Variants in DACH2 observed in about 807,000 individuals in gnomAD.
The protein encoded by DACH2 is dachshund homolog 2.
DACH2 carries 17 observed loss-of-function variants against 35.8 expected under a neutral mutation model. The ratio of observed to expected loss-of-function variants is 0.48; its 90% confidence interval spans 0.33 to 0.71. The LOEUF (loss-of-function observed/expected upper bound fraction) is 0.71, where lower values mean the gene tolerates loss of function less well. Ranked by LOEUF, DACH2 falls within the 30% of genes least tolerant of loss-of-function variation. DACH2 has a pLI of 0.02. For missense variants in DACH2, 469 were observed against 472.7 expected (o/e 0.99, Z 0.07); for synonymous variants, 195 against 177.3 (o/e 1.10, Z -0.79).
chrX:86,830,098 T>G (rs1352792376), intron 11 of DACH2: 1 of 111,961 alleles, frequency 8.9e-6, no homozygotes, highest in Admixed American at 9.5e-5. Flanking sequence ...CCTCTCTGTT[T>G]ATGGTTCCAG....
intron 1 of DACH2, among the ~76,000 whole-genome samples, chrX:86,292,634 C>A (rs1348667315): frequency 2.7e-5 from 3 of 110,399 alleles, no homozygotes; most frequent in Non-Finnish European, 5.7e-5. Context: ...TGTCTTTGTT[C>A]TCATTGGTTT....
intron 4 of DACH2, among the ~76,000 whole-genome samples, chrX:86,685,453 T>C (rs1162413271): frequency 8.9e-6 from 1 of 111,957 alleles, no homozygotes; most frequent in Non-Finnish European, 1.9e-5. Context: ...TCTATCTTTG[T>C]AGGTCAGCTT....
chrX:86,686,464 C>T (rs947198320), intron 4 of DACH2, among the ~76,000 whole-genome samples: 7 of 110,278 alleles, frequency 6.3e-5, no homozygotes, highest in Non-Finnish European at 1.1e-4. Flanking sequence ...ATCTCCTGAC[C>T]TCGTGACCCA....
At chrX:86,282,602 A>G (rs1354510135) in intron 1 of DACH2, among the ~76,000 whole-genome samples, 1 of 111,436 alleles carries the variant, frequency 9.0e-6, no homozygotes, top group Non-Finnish European at 1.9e-5. Context: ...TGATTAAAAC[A>G]CCAAAAGCCC....
intron 2 of DACH2, among the ~76,000 whole-genome samples, chrX:86,400,601 A>G (rs1456667166): frequency 8.9e-6 from 1 of 112,044 alleles, no homozygotes; most frequent in South Asian, 3.7e-4. Context: ...TCTAACAGTC[A>G]GGACCCTCAG....
At chrX:86,411,499 G>T (rs1005089424) in intron 2 of DACH2, among the ~76,000 whole-genome samples, 16 of 110,373 alleles carry the variant, frequency 1.4e-4, no homozygotes, top group African/African-American at 4.3e-4. Context: ...TTCAAATGAA[G>T]ACAATAATGA....
At chrX:86,785,725 T>A (rs774699282) in intron 7 of DACH2, among the ~76,000 whole-genome samples, 23 of 111,585 alleles carry the variant, frequency 2.1e-4, no homozygotes, top group Non-Finnish European at 4.3e-4. Flanking sequence ...AGGAGCATAA[T>A]TCATCAAGTC....
chrX:86,169,939 G>A (rs2031067811), intron 1 of DACH2, among the ~76,000 whole-genome samples: 1 of 110,537 alleles, frequency 9.0e-6, no homozygotes, highest in African/African-American at 3.3e-5. Context: ...GAAGAGTTAG[G>A]TATTTGTTGT....
At chrX:86,338,590 C>G (rs760052011) in intron 1 of DACH2, among the ~76,000 whole-genome samples, 9 of 111,907 alleles carry the variant, frequency 8.0e-5, no homozygotes, top group Non-Finnish European at 1.3e-4. Context: ...AAATTTATAG[C>G]ATTAAATGCC....
intron 2 of DACH2, among the ~76,000 whole-genome samples, chrX:86,422,503 A>T (rs557758429): frequency 2.7e-5 from 3 of 110,468 alleles, no homozygotes; most frequent in African/African-American, 9.8e-5. Flanking sequence ...GAGTCTTAGT[A>T]TGAATGGTTT....
intron 5 of DACH2, among the ~76,000 whole-genome samples, chrX:86,711,054 G>A (rs968841177): frequency 1.8e-5 from 2 of 112,114 alleles, no homozygotes; most frequent in African/African-American, 6.5e-5. Flanking sequence ...AATTATAGGA[G>A]TTGCTGAAAT....
chrX:86,244,608 C>T (rs2033239550), intron 1 of DACH2, among the ~76,000 whole-genome samples: 2 of 111,351 alleles, frequency 1.8e-5, no homozygotes, highest in Admixed American at 1.9e-4. Flanking sequence ...AGTGAGACGC[C>T]ATCTCTAAAA....
chrX:86,592,961 A>G (rs910344326), intron 3 of DACH2, among the ~76,000 whole-genome samples: 2 of 111,858 alleles, frequency 1.8e-5, no homozygotes, highest in Non-Finnish European at 3.8e-5. Context: ...CTACAAACAA[A>G]GCCAGTTTTA....
At chrX:86,306,175 C>T (rs1448101924) in intron 1 of DACH2, among the ~76,000 whole-genome samples, 1 of 111,591 alleles carries the variant, frequency 9.0e-6, no homozygotes, top group Admixed American at 9.6e-5. Flanking sequence ...TTTATATTAG[C>T]CAAGATATGA....
chrX:86,473,343 G>A (rs1305847455), intron 2 of DACH2, among the ~76,000 whole-genome samples: 1 of 111,122 alleles, frequency 9.0e-6, no homozygotes, highest in African/African-American at 3.3e-5. Flanking sequence ...ATCCCCTCAA[G>A]CATTTATCCT....
chrX:86,387,552 A>G (rs1317468237), intron 2 of DACH2, among the ~76,000 whole-genome samples: 2 of 111,796 alleles, frequency 1.8e-5, no homozygotes, highest in African/African-American at 3.2e-5. Context: ...TTTTTAATCC[A>G]TAAAATGAAC....
Position 86,613,982 on chromosome X carries a change from T to A in DACH2, c.641-37054T>A, listed in dbSNP as rs191194906. On this transcript the variant is annotated intron_variant, in intron 3 of 11. Transcript: ENST00000373125. ...TGTAGAGCCTTTTTGACAAACTTAT[T>A]ACCATGCACATATTCAAATATTAAA... Among the ~76,000 whole-genome samples the A allele has an allele frequency of 1.4e-4, 16 of 112,094 alleles. 1 individual carries two copies. The East Asian group carries it at 3.6e-3, about 26-fold the overall frequency.
Position 86,472,205 on chromosome X carries a change from T to A in DACH2, c.528-42074T>A, listed in dbSNP as rs187866736. On this transcript the variant is annotated intron_variant, in intron 2 of 11. Transcript: ENST00000373125. ...AGCTCTTACTACAACATTGTCTGGG[T>A]TGGCCCTTTGTAATCACAAAGATCC... Among the ~76,000 whole-genome samples the A allele has an allele frequency of 1.3e-3, 149 of 111,746 alleles. 1 individual carries two copies. Among genetic ancestry groups the A allele is most frequent in the Non-Finnish European group, 2.2e-3 (117 of 53,058 alleles).
intron 3 of DACH2, among the ~76,000 whole-genome samples, chrX:86,610,359 C>CTCT (rs1484024566): frequency 5.6e-5 from 5 of 89,777 alleles, no homozygotes; most frequent in African/African-American, 1.6e-4. Context: ...TCCTTCCTTC[C>CTCT]TTCCTCTTTC....
Sources: allele counts gnomAD v4.1 joint callset (sites outside exome capture counted in the v4.1 genomes callset), GRCh38; gene constraint gnomAD v4.1.1; transcripts MANE v1.5; gene names NCBI Gene and HGNC (gene_info 2026-07-23, HGNC 2026-07-21).